Variants in CAST observed in about 807,000 individuals in gnomAD.
CAST encodes the protein MIR583 host.
CAST carries 76 observed loss-of-function variants against 119.6 expected under a neutral mutation model. The ratio of observed to expected loss-of-function variants is 0.64; its 90% CI spans 0.53 to 0.77. The LOEUF is 0.77. CAST is among the 30% of genes least tolerant of loss of function. CAST has a pLI of 0.00. For synonymous variants in CAST, 319 were observed against 331.6 expected (o/e 0.96, Z 0.41); for missense variants, 953 against 946.5 (o/e 1.01, Z -0.09).
At chr5:96,324,003 T>C in the CAST span, among the ~76,000 whole-genome samples, 25 of 152,304 alleles carry the variant, frequency 1.6e-4, no homozygotes, top group African/African-American at 5.3e-4. Context: ...CTTTCTGGCC[T>C]CTCTAAAATG....
the CAST span, among the ~76,000 whole-genome samples, chr5:96,102,094 G>C: frequency 6.6e-6 from 1 of 152,170 alleles, no homozygotes; most frequent in Non-Finnish European, 1.5e-5. Flanking sequence ...TTCCCTTGTT[G>C]TGTGGGGTGG....
At chr5:96,224,060 A>C in the CAST span, among the ~76,000 whole-genome samples, 1 of 152,204 alleles carries the variant, frequency 6.6e-6, no homozygotes, top group Non-Finnish European at 1.5e-5. Context: ...TCTCTGATCC[A>C]CAGAAAGAGA....
chr5:96,098,621 T>C, the CAST span, among the ~76,000 whole-genome samples: 22 of 152,294 alleles, frequency 1.4e-4, no homozygotes, highest in Admixed American at 1.3e-3. Flanking sequence ...TTGTCAAAGA[T>C]CAGATGGTTG....
the CAST span, among the ~76,000 whole-genome samples, chr5:96,188,784 G>C: frequency 6.6e-6 from 1 of 152,170 alleles, no homozygotes; most frequent in Non-Finnish European, 1.5e-5. Flanking sequence ...CTGTGGAGTT[G>C]AAGAAGGTGC....
chr5:96,596,800 C>T (rs1747057767), intron 1 of CAST, among the ~76,000 whole-genome samples: 1 of 152,146 alleles, frequency 6.6e-6, no homozygotes, highest in Non-Finnish European at 1.5e-5. Context: ...AGTCTGGAGG[C>T]TGGAAGTCTG....
At chr5:96,048,515 A>G in the CAST span, among the ~76,000 whole-genome samples, 4 of 152,314 alleles carry the variant, frequency 2.6e-5, no homozygotes, top group South Asian at 8.3e-4. Context: ...TAATGGCAAT[A>G]ATAATAATAA....
the CAST span, among the ~76,000 whole-genome samples, chr5:96,092,701 A>C: frequency 6.6e-6 from 1 of 152,214 alleles, no homozygotes; most frequent in Non-Finnish European, 1.5e-5. Flanking sequence ...TAATATTGTG[A>C]TTATAAAGGG....
chr5:96,180,584 G>A, the CAST span, among the ~76,000 whole-genome samples: 4 of 152,200 alleles, frequency 2.6e-5, no homozygotes, highest in East Asian at 7.7e-4. Flanking sequence ...GAAATAAAAT[G>A]TTAAAACGAG....
At chr5:96,337,307 G>GA in the CAST span, among the ~76,000 whole-genome samples, 2 of 150,498 alleles carry the variant, frequency 1.3e-5, no homozygotes, top group Non-Finnish European at 3.0e-5. Flanking sequence ...AATCAAGAGA[G>GA]AAAAAAAAGG....
the CAST span, among the ~76,000 whole-genome samples, chr5:96,178,982 G>C: frequency 2.0e-5 from 3 of 152,140 alleles, no homozygotes; most frequent in African/African-American, 2.4e-5. Context: ...AAACTTAGGG[G>C]TTCCCTCTTG....
intron 1 of CAST, among the ~76,000 whole-genome samples, chr5:96,615,424 G>C (rs1328911380): frequency 6.6e-6 from 1 of 152,208 alleles, no homozygotes; most frequent in Non-Finnish European, 1.5e-5. Flanking sequence ...AGCACTGTCT[G>C]TGCTGCTGCA....
the CAST span, among the ~76,000 whole-genome samples, chr5:96,127,977 C>G: frequency 6.6e-6 from 1 of 152,032 alleles, no homozygotes; most frequent in Non-Finnish European, 1.5e-5. Flanking sequence ...TTTGTTGTGT[C>G]TTTGTCAGCT....
intron 18 of CAST, 145 bp downstream of exon 18, chr5:96,747,537 C>T (rs1046104105): frequency 1.9e-6 from 1 of 539,750 alleles, no homozygotes; most frequent in Non-Finnish European, 3.3e-6. Context: ...GATGGTAACA[C>T]TTGGCTGATA....
chr5:96,757,174 A>G (rs1325946362), intron 22 of CAST, among the ~76,000 whole-genome samples: 2 of 152,160 alleles, frequency 1.3e-5, no homozygotes, highest in East Asian at 1.9e-4. Context: ...TCCTGCTGTG[A>G]TAGTCTCTAG....
chr5:96,484,395 C>T, the CAST span, among the ~76,000 whole-genome samples: 2 of 152,148 alleles, frequency 1.3e-5, no homozygotes, highest in African/African-American at 2.4e-5. Context: ...ATACTTTGCC[C>T]TTCTACATCT....
At chr5:96,085,434 T>C in the CAST span, among the ~76,000 whole-genome samples, 2 of 152,202 alleles carry the variant, frequency 1.3e-5, no homozygotes, top group East Asian at 1.9e-4. Flanking sequence ...TAATTTTAAA[T>C]TGAGACATTT....
chr5:96,497,340 T>C, the CAST span, among the ~76,000 whole-genome samples: 8 of 152,212 alleles, frequency 5.3e-5, 1 homozygote, highest in Admixed American at 4.6e-4. Context: ...TGTGTCTTTA[T>C]AGCAGCATGA....
intron 1 of CAST, chr5:96,545,220 A>T (rs1006064792): frequency 3.9e-5 from 6 of 152,206 alleles, no homozygotes; most frequent in Non-Finnish European, 7.3e-5. Flanking sequence ...ATGCAGGAGG[A>T]TAAATCCAAT....
At chr5:96,372,693 C>T in the CAST span, among the ~76,000 whole-genome samples, 4 of 152,186 alleles carry the variant, frequency 2.6e-5, no homozygotes. Flanking sequence ...GGGCCCCACA[C>T]ACCTTCCTGA....
Sources: gnomAD v4.1 joint callset for allele counts (sites outside exome capture counted in the v4.1 genomes callset) on GRCh38, gnomAD v4.1.1 for gene constraint, MANE v1.5 for transcripts, NCBI Gene and HGNC (gene_info 2026-07-23, HGNC 2026-07-21) for gene names.